NLN: variants seen among roughly 807,000 people sequenced by gnomAD.
NLN encodes the protein neurolysin, mitochondrial.
In NLN, 64 loss-of-function variants were observed where a neutral mutation model predicts 79.9. The observed-to-expected ratio is 0.80, with a 90% CI of 0.65 to 0.99. NLN has a LOEUF of 0.99. Ranked by LOEUF, NLN falls within the 50% of genes least tolerant of loss-of-function variation. NLN has a pLI of 0.00. For missense variants in NLN, 835 were observed against 858.7 expected, an observed-to-expected ratio of 0.97 and a Z score of 0.34; for synonymous variants, 267 against 296.6, an observed-to-expected ratio of 0.90 and a Z score of 1.02.
Position 65,809,706 on chromosome 5 carries a change from G to A in NLN, c.1714+5G>A. 2 of 1,562,416 alleles carry A rather than the reference G, an allele frequency of 1.3e-6. No homozygotes were observed. The highest frequency in any genetic ancestry group is 1.7e-6 in the Non-Finnish European group (2 of 1,157,574). Reference sequence around the variant, plus strand: ...CTTCTAGGCTGGTCAACACAGGTATGACTTCTAATTTTAAAAAGGAAAATA... The same window carrying A: ...CTTCTAGGCTGGTCAACACAGGTATAACTTCTAATTTTAAAAAGGAAAATA... On this transcript the variant is annotated splice_donor_5th_base_variant and intron_variant, in intron 10 of 12. Transcript: ENST00000380985.
chr5:65,774,945 G>C (rs529099448), intron 3 of NLN, among the ~76,000 whole-genome samples: 2 of 151,678 alleles, frequency 1.3e-5, no homozygotes, highest in East Asian at 1.9e-4. Context: ...TGCTGGTCTC[G>C]AACCCCTCAC....
intron 1 of NLN, among the ~76,000 whole-genome samples, chr5:65,732,010 C>T (rs1758622166): frequency 6.6e-6 from 1 of 152,122 alleles, no homozygotes; most frequent in African/African-American, 2.4e-5. Flanking sequence ...CTCAGCCTCC[C>T]AAAGTGCTAC....
chr5:65,733,726 G>A, intron 1 of NLN: 2 of 1,197,806 alleles, frequency 1.7e-6, no homozygotes, highest in Non-Finnish European at 2.3e-6. Flanking sequence ...GGACACAGGT[G>A]CTTTTTTTTT....
At chr5:65,813,286 C>T (rs1460119110) in intron 12 of NLN, among the ~76,000 whole-genome samples, 1 of 152,166 alleles carries the variant, frequency 6.6e-6, no homozygotes, top group African/African-American at 2.4e-5. Context: ...CCACCCCACC[C>T]AATCTGTTAA....
At chr5:65,772,644 C>A (rs1759592310) in intron 3 of NLN, among the ~76,000 whole-genome samples, 1 of 151,446 alleles carries the variant, frequency 6.6e-6, no homozygotes, top group African/African-American at 2.4e-5. Context: ...TTAGTTATTT[C>A]TCTATTTTAG....
At chr5:65,735,254 A>C (rs1758706488) in intron 1 of NLN, among the ~76,000 whole-genome samples, 1 of 152,212 alleles carries the variant, frequency 6.6e-6, no homozygotes, top group Middle Eastern at 3.2e-3. Flanking sequence ...TGAACTGTGA[A>C]TCAATTAAAC....
chr5:65,818,394 C>A (rs187192301), intron 12 of NLN, among the ~76,000 whole-genome samples: 4 of 152,284 alleles, frequency 2.6e-5, no homozygotes, highest in African/African-American at 9.6e-5. Context: ...TCTACCCCCC[C>A]ATACATACTC....
intron 2 of NLN, among the ~76,000 whole-genome samples, chr5:65,761,289 T>G (rs1759331807): frequency 6.6e-6 from 1 of 151,374 alleles, no homozygotes; most frequent in Non-Finnish European, 1.5e-5. Flanking sequence ...TTTTATTTTT[T>G]TATTATTATT....
chr5:65,795,746 G>A lies in NLN; in HGVS notation c.1527+3091G>A, dbSNP rs187212767. Among the ~76,000 whole-genome samples the A allele has an allele frequency of 1.4e-4, 21 of 152,208 alleles. No homozygotes were observed. The South Asian group carries it at 2.7e-3, about 20-fold the overall frequency. On this transcript the variant is annotated intron_variant, in intron 9 of 12. Coordinates refer to ENST00000380985, the MANE Select transcript of NLN (RefSeq NM_020726.5). Reference sequence around the variant, plus strand: ...CACTAGGATTCCTGAAATATTTATCGTGTGGACCTTCTATCAATGTCCACA... The same window carrying A: ...CACTAGGATTCCTGAAATATTTATCATGTGGACCTTCTATCAATGTCCACA...
chr5:65,787,270 G>T (rs1759949864), intron 7 of NLN, among the ~76,000 whole-genome samples: 1 of 151,814 alleles, frequency 6.6e-6, no homozygotes, highest in Admixed American at 6.6e-5. Context: ...GTGTGTGTGT[G>T]TGTGTATACA....
chr5:65,800,826 G>A (rs1240136655), intron 9 of NLN, among the ~76,000 whole-genome samples: 2 of 151,890 alleles, frequency 1.3e-5, no homozygotes, highest in Non-Finnish European at 2.9e-5. Flanking sequence ...GAGTAGCTGA[G>A]ACTACAGGAA....
chr5:65,745,972 T>C (rs1205296814), intron 1 of NLN, among the ~76,000 whole-genome samples: 2 of 152,176 alleles, frequency 1.3e-5, no homozygotes, highest in Non-Finnish European at 2.9e-5. Flanking sequence ...AGATGAGCAA[T>C]TTAATTTTAG....
At chr5:65,725,891 T>G (rs1758456230) in intron 1 of NLN, among the ~76,000 whole-genome samples, 1 of 152,180 alleles carries the variant, frequency 6.6e-6, no homozygotes, top group Non-Finnish European at 1.5e-5. Flanking sequence ...GGCAGGTGGA[T>G]CACGAAGTCA....
intron 1 of NLN, among the ~76,000 whole-genome samples, chr5:65,751,747 C>A (rs997058502): frequency 1.3e-5 from 2 of 152,134 alleles, no homozygotes; most frequent in Non-Finnish European, 2.9e-5. Flanking sequence ...CTCAGAATAA[C>A]TATGGCATAC....
intron 6 of NLN, 50 bp downstream of exon 6, chr5:65,781,471 A>G: frequency 7.2e-7 from 1 of 1,395,074 alleles, no homozygotes; most frequent in Non-Finnish European, 1.0e-6. Flanking sequence ...TATTTTAAGA[A>G]AAGGGTTTAC....
chr5:65,794,955 G>A (rs1760140043), intron 9 of NLN, among the ~76,000 whole-genome samples: 1 of 152,186 alleles, frequency 6.6e-6, no homozygotes, highest in South Asian at 2.1e-4. Flanking sequence ...ATATGAGTAT[G>A]TCCAGAGAAA....
At chr5:65,788,011 A>G in intron 7 of NLN, 107 bp from the exon 8 acceptor site, 2 of 1,071,908 alleles carry the variant, frequency 1.9e-6, no homozygotes, top group Non-Finnish European at 1.4e-6. Flanking sequence ...ATTTATCTGT[A>G]TTGAGTACTG....
In NLN at chr5:65,819,174, A is replaced by G. The variant is rs543477184; in HGVS notation, c.1981-3607A>G. 8.5e-5 allele frequency among the ~76,000 whole-genome samples: 13 copies of G among 152,262 alleles called. No individual in the cohort carries two copies. In the East Asian group the frequency reaches 2.3e-3, roughly 27 times the overall value. On this transcript the variant is annotated intron_variant, in intron 12 of 12. Coordinates refer to ENST00000380985, the MANE Select transcript of NLN (RefSeq NM_020726.5). ...TAGGAGATAGAACTAATTTTGAGGA[A>G]GTGCTACACCAGGAATGCATTTGTT...
At chr5:65,790,172 A>C (rs1185337481) in intron 8 of NLN, among the ~76,000 whole-genome samples, 1 of 152,186 alleles carries the variant, frequency 6.6e-6, no homozygotes, top group African/African-American at 2.4e-5. Context: ...ACAATTACTA[A>C]TCATTTAAAT....
Sources: gnomAD v4.1 joint callset for allele counts (sites outside exome capture counted in the v4.1 genomes callset) on GRCh38, gnomAD v4.1.1 for gene constraint, MANE v1.5 for transcripts, NCBI Gene and HGNC (gene_info 2026-07-23, HGNC 2026-07-21) for gene names.